The following NBAS variants were observed in gnomAD, a reference collection of about 807,000 sequenced individuals.
NBAS encodes the protein NAG/BC035112 fusion.
In NBAS, 219 loss-of-function variants were observed where a neutral mutation model predicts 302.5. That is an observed-to-expected ratio of 0.72 (90% CI 0.65 to 0.81). The LOEUF is 0.81. NBAS is among the 30% of genes least tolerant of loss of function. The pLI, the probability that NBAS is intolerant of heterozygous loss-of-function variation, is 0.00. For missense variants in NBAS, 2,932 were observed against 2,841.6 expected (o/e 1.03, Z -0.72); for synonymous variants, 1,118 against 1,021.6 (o/e 1.09, Z -1.80).
rs377024520 is a variant in NBAS at position 15,275,578 on chromosome 2, T to C, written c.5630A>G (p.Tyr1877Cys). 4.2e-5 allele frequency: 67 copies of C among 1,614,028 alleles called. No homozygotes were observed. The East Asian group carries it at 1.0e-3, about 25-fold the overall frequency. The stretch of plus-strand genomic sequence containing the variant: ...ATCAAAGTACTTCATGCAGACATCA[T>C]AGGCATGAAGCCACTCCGGTGAAGA... ...PGSSPEWLHA[Y>C]DVCMKYFDRL... Residue 1877 changes from tyrosine (Y) to cysteine (C), a missense_variant, in exon 44 of 52, where the codon TAT becomes TGT. Coordinates refer to ENST00000281513, the MANE Select transcript of NBAS (RefSeq NM_015909.4).
intron 26 of NBAS, 123 bp downstream of exon 26, chr2:15,402,045 T>A: frequency 9.7e-7 from 1 of 1,033,786 alleles, no homozygotes; most frequent in Non-Finnish European, 1.5e-6. Context: ...AATTTTATTT[T>A]CTTCCTTATG....
chr2:15,438,380 C>T (rs907788821), intron 21 of NBAS, among the ~76,000 whole-genome samples: 1 of 152,178 alleles, frequency 6.6e-6, no homozygotes, highest in African/African-American at 2.4e-5. Context: ...CTACACAAAA[C>T]AGACTAATAA....
the NBAS span, among the ~76,000 whole-genome samples, chr2:14,871,935 GAC>G: frequency 1.3e-5 from 2 of 152,060 alleles, no homozygotes; most frequent in East Asian, 3.9e-4. Context: ...ACAATTTGTA[GAC>G]AGAGATTGTC....
chr2:14,824,837 T>C, the NBAS span, among the ~76,000 whole-genome samples: 12 of 151,980 alleles, frequency 7.9e-5, no homozygotes, highest in African/African-American at 2.9e-4. Context: ...TAGAAGGAGA[T>C]GTTTAGAATT....
chr2:15,067,074 C>A, the NBAS span, among the ~76,000 whole-genome samples: 76,529 of 149,634 alleles, frequency 0.51, 21,734 homozygotes, highest in Middle Eastern at 0.63. Context: ...TGTAATCCCA[C>A]CACTTTGGGA....
the NBAS span, among the ~76,000 whole-genome samples, chr2:14,911,044 C>T: frequency 6.6e-6 from 1 of 152,226 alleles, no homozygotes; most frequent in Non-Finnish European, 1.5e-5. Flanking sequence ...TTTCCCAAGT[C>T]AATCACTTGA....
intron 44 of NBAS, among the ~76,000 whole-genome samples, chr2:15,252,655 G>A (rs1182874330): frequency 6.6e-6 from 1 of 152,062 alleles, no homozygotes; most frequent in African/African-American, 2.4e-5. Context: ...TTTACAAACA[G>A]TTTATTATTT....
chr2:15,291,646 CA>C (rs933915615), intron 41 of NBAS, among the ~76,000 whole-genome samples: 5 of 152,158 alleles, frequency 3.3e-5, no homozygotes, highest in African/African-American at 1.2e-4. Flanking sequence ...CTTCCCTTGA[CA>C]GGGGGAAGGG....
the NBAS span, among the ~76,000 whole-genome samples, chr2:15,113,977 A>ACTAT: frequency 6.6e-6 from 1 of 152,192 alleles, no homozygotes; most frequent in African/African-American, 2.4e-5. Context: ...AGAACACACC[A>ACTAT]CTATCTACGA....
the NBAS span, among the ~76,000 whole-genome samples, chr2:15,083,308 C>T: frequency 6.6e-6 from 1 of 152,246 alleles, no homozygotes; most frequent in Non-Finnish European, 1.5e-5. Context: ...GCCTTCTTCC[C>T]TCTCCATCTC....
At chr2:15,546,203 A>G (rs922319536) in intron 6 of NBAS, among the ~76,000 whole-genome samples, 1 of 152,198 alleles carries the variant, frequency 6.6e-6, no homozygotes, top group Non-Finnish European at 1.5e-5. Context: ...AGGTACAGGA[A>G]AATGTCTGAA....
the NBAS span, among the ~76,000 whole-genome samples, chr2:14,962,750 G>A: frequency 6.6e-6 from 1 of 152,052 alleles, no homozygotes; most frequent in Non-Finnish European, 1.5e-5. Context: ...CTCCACCTCT[G>A]CAGCAGACTT....
the NBAS span, among the ~76,000 whole-genome samples, chr2:15,079,795 C>T: frequency 4.0e-4 from 61 of 152,230 alleles, no homozygotes; most frequent in African/African-American, 1.3e-3. Context: ...AGGCGGTTAG[C>T]ACTTTAAGGG....
At chr2:15,531,583 GT>G (rs1663217353) in intron 9 of NBAS, among the ~76,000 whole-genome samples, 1 of 152,156 alleles carries the variant, frequency 6.6e-6, no homozygotes, top group African/African-American at 2.4e-5. Flanking sequence ...AAGTTACCAG[GT>G]GGGTCTTACT....
At chr2:15,445,006 C>A (rs1678648614) in intron 21 of NBAS, among the ~76,000 whole-genome samples, 2 of 149,994 alleles carry the variant, frequency 1.3e-5, no homozygotes, top group Non-Finnish European at 3.0e-5. Context: ...CAGGAAACAA[C>A]AGGTGCTGGA....
intron 45 of NBAS, among the ~76,000 whole-genome samples, chr2:15,236,308 A>C (rs1649074065): frequency 6.6e-6 from 1 of 151,966 alleles, no homozygotes; most frequent in Non-Finnish European, 1.5e-5. Context: ...TCAGACCTGG[A>C]AGGCCAAGGT....
chr2:14,865,075 A>G, the NBAS span, among the ~76,000 whole-genome samples: 2 of 152,106 alleles, frequency 1.3e-5, no homozygotes, highest in African/African-American at 4.8e-5. Context: ...TTCTGTGTTA[A>G]AAGTAAATAG....
the NBAS span, among the ~76,000 whole-genome samples, chr2:14,885,075 T>G: frequency 6.6e-6 from 1 of 152,142 alleles, no homozygotes; most frequent in Non-Finnish European, 1.5e-5. Context: ...TATTCCAAGT[T>G]CAATGAGCAG....
the NBAS span, among the ~76,000 whole-genome samples, chr2:14,953,372 G>T: frequency 0.013 from 1,953 of 152,270 alleles, 20 homozygotes; most frequent in Non-Finnish European, 0.021. Context: ...CATCAGGAAA[G>T]GATCCACATT....
Sources: gnomAD v4.1 joint callset for allele counts (sites outside exome capture counted in the v4.1 genomes callset) on GRCh38, gnomAD v4.1.1 for gene constraint, MANE v1.5 for transcripts, NCBI Gene and HGNC (gene_info 2026-07-23, HGNC 2026-07-21) for gene names.